Variants in ADPRHL1 observed in about 807,000 individuals in gnomAD.
ADPRHL1 encodes the protein ADP-ribosylhydrolase like 1.
Under a neutral mutation model 44.1 loss-of-function variants are expected in ADPRHL1, and 43 were observed. That is an observed-to-expected ratio of 0.98 (90% CI 0.76 to 1.26). ADPRHL1 has a LOEUF of 1.26. Ranked by LOEUF, ADPRHL1 falls within the 50% of genes most tolerant of loss-of-function variation. The probability of loss-of-function intolerance (pLI) is 0.00; values close to 1 mark genes in which losing one functional copy is unlikely to be tolerated. For synonymous variants in ADPRHL1, 878 were observed against 1,017.4 expected (o/e 0.86, Z 2.61); for missense variants, 2,022 against 2,496.9 (o/e 0.81, Z 4.05).
At chr13:113,434,100 T>C (rs1449651942) in intron 2 of ADPRHL1, among the ~76,000 whole-genome samples, 1 of 152,194 alleles carries the variant, frequency 6.6e-6, no homozygotes, top group Non-Finnish European at 1.5e-5. Flanking sequence ...AAACAGAACG[T>C]TTGATGGCCT....
intron 7 of ADPRHL1, among the ~76,000 whole-genome samples, chr13:113,416,578 A>G (rs1047736348): frequency 7.9e-5 from 12 of 152,188 alleles, no homozygotes; most frequent in African/African-American, 2.9e-4. Context: ...CCTGTGGGAC[A>G]TACAGGGTAT....
At chr13:113,427,195 C>T (rs2043973982) in intron 4 of ADPRHL1, among the ~76,000 whole-genome samples, 1 of 152,210 alleles carries the variant, frequency 6.6e-6, no homozygotes, top group Admixed American at 6.5e-5. Flanking sequence ...TTAGATAATT[C>T]CAACTGTTCT....
intron 2 of ADPRHL1, among the ~76,000 whole-genome samples, chr13:113,437,125 C>T (rs1412659565): frequency 2.2e-5 from 3 of 134,204 alleles, no homozygotes; most frequent in East Asian, 2.3e-4. Context: ...AGCACCCACA[C>T]GTAGAGTGAA....
chr13:113,439,616 T>A (rs1160637978), intron 2 of ADPRHL1, among the ~76,000 whole-genome samples: 1 of 151,542 alleles, frequency 6.6e-6, no homozygotes, highest in Non-Finnish European at 1.5e-5. Flanking sequence ...TCTGGCTAAT[T>A]TTTGTATTTT....
chr13:113,424,132 C>T (rs571598266), intron 6 of ADPRHL1, 85 bp downstream of exon 6: 2 of 1,529,388 alleles, frequency 1.3e-6, no homozygotes, highest in South Asian at 2.6e-5. Context: ...CCCTGAATGC[C>T]TGCAGTCCTA....
rs2043817835 is a variant in ADPRHL1 at position 113,407,516 on chromosome 13, T to C, written c.1766A>G (p.Glu589Gly). ...GGTGGCCGTGTGCAGCACGCGCACC[T>C]CCGGCCGGTGCATCCTCTTCCTCTG... ...NLQRKRMHRP[E>G]VRVLHTATMA... The change falls in exon 8 of 8, where the codon GAG becomes GGG. Residue 589 changes from glutamate (E) to glycine (G), a missense_variant. Glu to Gly is a moderately conservative substitution (Grantham distance 98, BLOSUM62 -2). Around this residue, in one of 8 missense-constraint regions of ADPRHL1, gnomAD observed 1,221 missense variants for 1,517.8 expected, o/e 0.80. Transcript: ENST00000612156. 8.1e-7 allele frequency: 1 copy of C among 1,232,200 alleles called. No homozygotes were observed. The allele number at this position is 1,232,200 out of a possible 1,614,324, so 76.3% of individuals were successfully genotyped here. A position where few individuals can be genotyped will look rare whatever the true frequency, so the allele number is the denominator to read the frequency against.
At chr13:113,434,503 C>T (rs1375693842) in intron 2 of ADPRHL1, among the ~76,000 whole-genome samples, 10 of 149,482 alleles carry the variant, frequency 6.7e-5, no homozygotes, top group South Asian at 4.2e-4. Flanking sequence ...AGGTGTACCC[C>T]GGGACCCAGC....
chr13:113,448,495 T>G (rs1281146522), intron 1 of ADPRHL1, among the ~76,000 whole-genome samples: 62 of 86,046 alleles, frequency 7.2e-4, no homozygotes, highest in Middle Eastern at 6.3e-3. Flanking sequence ...AAAAAAATGG[T>G]GCCTGAGTCT....
intron 1 of ADPRHL1, among the ~76,000 whole-genome samples, chr13:113,445,815 C>T (rs1359285260): frequency 6.6e-6 from 1 of 151,988 alleles, no homozygotes; most frequent in African/African-American, 2.4e-5. Flanking sequence ...TCCTCCAGGA[C>T]ATGAAACCTC....
At chr13:113,438,583 A>G (rs1226533913) in intron 2 of ADPRHL1, among the ~76,000 whole-genome samples, 1 of 152,020 alleles carries the variant, frequency 6.6e-6, no homozygotes, top group East Asian at 1.9e-4. Context: ...AGTCCCAGCT[A>G]CTCTGGAGGC....
intron 3 of ADPRHL1, 141 bp from the exon 4 acceptor site, chr13:113,429,233 C>T (rs901583842): frequency 1.9e-5 from 21 of 1,119,202 alleles, no homozygotes; most frequent in East Asian, 7.7e-5. Flanking sequence ...CACAGTTCGG[C>T]GGCATTAACC....
chr13:113,418,420 G>A (rs6577044), intron 7 of ADPRHL1, among the ~76,000 whole-genome samples: 69,828 of 152,010 alleles, frequency 0.46, 16,580 homozygotes, highest in African/African-American at 0.56. Flanking sequence ...CCCTGGATCC[G>A]CTTCCTCCAA....
At position 113,407,120 on chromosome 13, in the gene ADPRHL1, A is replaced by C. The variant is rs2043814817; in HGVS notation, c.2162T>G (p.Val721Gly). The C allele has an allele frequency of 1.6e-6, 2 of 1,232,152 alleles. No individual in the cohort carries two copies. Among genetic ancestry groups the C allele is most frequent in the African/African-American group, 3.1e-5 (2 of 64,440 alleles). The allele number at this position is 1,232,152 out of a possible 1,614,324, so 76.3% of individuals were successfully genotyped here. Residue 721 changes from valine to glycine, a missense_variant, in exon 8 of 8, where the codon GTG becomes GGG. Val to Gly is a moderately radical substitution (Grantham distance 109). Transcript: ENST00000612156. ...CGGTCCCAGTGGGGATGATGCAGGC[A>C]CAAGGCCAGGAAGGACTCCACCTGT... Reference protein sequence around the residue: ...PCTGGVLPGLVPASSPLGPAS... With the variant: ...PCTGGVLPGLGPASSPLGPAS...
In ADPRHL1 at chr13:113,422,932, G is replaced by A. The variant is rs752240250; in HGVS notation, c.955C>T (p.Leu319=). The A allele has an allele frequency of 3.1e-6, 5 of 1,612,954 alleles. No homozygotes were observed. Among genetic ancestry groups the A allele is most frequent in the Non-Finnish European group, 4.2e-6 (5 of 1,179,994 alleles). Reference sequence around the variant, plus strand: ...TTGGGAACGAGGTCCAGGCCGTACAGCAACCCGAACAGGCAGCCTGCAATG... The same window carrying A: ...TTGGGAACGAGGTCCAGGCCGTACAACAACCCGAACAGGCAGCCTGCAATG... The part of the protein sequence containing the change: ...GTIAGCLFGL[L]YGLDLVPKGL... The change falls in exon 7 of 8, where the codon CTG becomes TTG. Residue 319 remains leucine (L), a synonymous_variant. Coordinates refer to ENST00000612156, the MANE Select transcript of ADPRHL1 (RefSeq NM_001394807.1).
Position 113,444,555 on chromosome 13 carries a change from C to A in ADPRHL1, c.249G>T (p.Met83Ile). 1.9e-6 allele frequency: 3 copies of A among 1,614,162 alleles called. No individual in the cohort carries two copies. Among genetic ancestry groups the A allele is most frequent in the South Asian group, 2.2e-5 (2 of 91,076 alleles). Reference protein sequence around the residue: ...YWCLDDLYREMVRCYVEIVEK... With the variant: ...YWCLDDLYREIVRCYVEIVEK... ...CAACGATTTCCACATAGCATCTCAC[C>A]ATCTCCCGGTACAGATCATCCAGGC... The change falls in exon 2 of 8, where the codon ATG (methionine) becomes ATT (isoleucine). Residue 83 changes from methionine (M) to isoleucine (I), a missense_variant. Met to Ile is a conservative substitution (Grantham distance 10). Coordinates refer to ENST00000612156, the MANE Select transcript of ADPRHL1 (RefSeq NM_001394807.1).
chr13:113,448,790 C>T (rs1260037154), intron 1 of ADPRHL1, among the ~76,000 whole-genome samples: 1 of 152,252 alleles, frequency 6.6e-6, no homozygotes, highest in Non-Finnish European at 1.5e-5. Flanking sequence ...ACTTCCCACA[C>T]TGGCCTAAGT....
chr13:113,429,045 G>C lies in ADPRHL1; in HGVS notation c.553C>G (p.Gln185Glu). 6.2e-7 allele frequency: 1 copy of C among 1,612,776 alleles called. No individual in the cohort carries two copies. Among genetic ancestry groups the C allele is most frequent in the Non-Finnish European group, 8.5e-7 (1 of 1,179,952 alleles). The part of the protein sequence containing the change: ...CTALFVSFAA[Q>E]GKPLVQWGRD... ...CCCCACTGGACCAGGGGCTTTCCTT[G>C]TGCGGCGAACGACACAAACAGGGCC... Residue 185 changes from glutamine to glutamate, a missense_variant, in exon 4 of 8, where the codon CAA (glutamine) becomes GAA (glutamate). By Grantham distance (29) the Gln-to-Glu change is conservative. Coordinates refer to ENST00000612156, the MANE Select transcript of ADPRHL1 (RefSeq NM_001394807.1).
At position 113,407,170 on chromosome 13, in the gene ADPRHL1, C is replaced by T. The variant is rs916936457; in HGVS notation, c.2112G>A (p.Ser704=). ...TGCAGGGAGCACAAGAGAAGGCCAG[C>T]GAGGGGACAGCGTGGCCGTCCCTCT... is the stretch of plus-strand genomic sequence containing the variant. The part of the protein sequence containing the change: ...MAQRDGHAVP[S]LAFSCAPCTG... The change falls in exon 8 of 8, where the codon TCG becomes TCA. Residue 704 remains serine (S), a synonymous_variant. Coordinates refer to ENST00000612156, the MANE Select transcript of ADPRHL1 (RefSeq NM_001394807.1). 11 of 1,232,122 alleles carry T rather than the reference C, an allele frequency of 8.9e-6. No individual in the cohort carries two copies. The highest frequency in any genetic ancestry group is 7.8e-5 in the African/African-American group (5 of 64,442). The allele number at this position is 1,232,122 out of a possible 1,614,324, so 76.3% of individuals were successfully genotyped here. A position where few individuals can be genotyped will look rare whatever the true frequency, so the allele number is the denominator to read the frequency against.
At chr13:113,408,745 G>A (rs553263723) in intron 7 of ADPRHL1, among the ~76,000 whole-genome samples, 2 of 152,296 alleles carry the variant, frequency 1.3e-5, no homozygotes, top group African/African-American at 2.4e-5. Flanking sequence ...TCAGCAAACC[G>A]CTCAGGCTTG....
Sources: allele counts gnomAD v4.1 joint callset (sites outside exome capture counted in the v4.1 genomes callset), GRCh38; gene constraint gnomAD v4.1.1; regional missense constraint gnomAD v4.1.1; transcripts MANE v1.5; gene names NCBI Gene and HGNC (gene_info 2026-07-23, HGNC 2026-07-21).